The following RREB1 variants were observed in gnomAD, a reference collection of about 807,000 sequenced individuals.
The protein encoded by RREB1 is ras-responsive element-binding protein 1.
Under a neutral mutation model 117.8 loss-of-function variants are expected in RREB1, and 27 were observed. The ratio of observed to expected loss-of-function variants is 0.23; its 90% CI spans 0.17 to 0.32. The LOEUF is 0.32. Ranked by LOEUF, RREB1 falls within the 10% of genes least tolerant of loss-of-function variation. The pLI, the probability that RREB1 is intolerant of heterozygous loss-of-function variation, is 1.00. For synonymous variants in RREB1, 1,298 were observed against 1,026.7 expected (o/e 1.26, Z -5.05); for missense variants, 2,577 against 2,378.2 (o/e 1.08, Z -1.74).
chr6:7,208,670 T>C (rs1310899002), intron 6 of RREB1, among the ~76,000 whole-genome samples: 2 of 152,248 alleles, frequency 1.3e-5, no homozygotes, highest in Non-Finnish European at 2.9e-5. Context: ...AGGGCAGCCC[T>C]GGTTTTCCAG....
At chr6:7,133,057 G>C (rs1762218053) in intron 1 of RREB1, among the ~76,000 whole-genome samples, 2 of 152,220 alleles carry the variant, frequency 1.3e-5, no homozygotes, top group Non-Finnish European at 2.9e-5. Flanking sequence ...AGTGGGTTAT[G>C]ACTGGCAAGA....
At chr6:7,221,471 C>T (rs570656397) in intron 8 of RREB1, among the ~76,000 whole-genome samples, 6 of 152,310 alleles carry the variant, frequency 3.9e-5, no homozygotes, top group Admixed American at 6.5e-5. Flanking sequence ...CGCGCCCGGC[C>T]GCAAGTGTTT....
intron 1 of RREB1, among the ~76,000 whole-genome samples, chr6:7,115,456 C>T (rs931972607): frequency 1.3e-5 from 2 of 151,450 alleles, no homozygotes; most frequent in African/African-American, 4.9e-5. Flanking sequence ...GAAGGGCTGC[C>T]AGTGGTAGGC....
At chr6:7,135,551 T>C (rs940352173) in intron 1 of RREB1, among the ~76,000 whole-genome samples, 5 of 152,336 alleles carry the variant, frequency 3.3e-5, no homozygotes, top group African/African-American at 1.2e-4. Flanking sequence ...GCTGTTCTTC[T>C]GGTTCTGACA....
intron 1 of RREB1, among the ~76,000 whole-genome samples, chr6:7,114,656 C>A (rs1214873678): frequency 6.6e-6 from 1 of 152,140 alleles, no homozygotes; most frequent in African/African-American, 2.4e-5. Context: ...GGTGCGCTGC[C>A]TGTATTGCAT....
intron 1 of RREB1, among the ~76,000 whole-genome samples, chr6:7,142,312 T>A (rs1376883333): frequency 6.6e-6 from 1 of 151,306 alleles, no homozygotes; most frequent in Admixed American, 6.6e-5. Flanking sequence ...TACACCCTCC[T>A]CCGAGAGCCG....
At chr6:7,207,412 G>A (rs1382157374) in intron 6 of RREB1, among the ~76,000 whole-genome samples, 2 of 152,250 alleles carry the variant, frequency 1.3e-5, no homozygotes, top group East Asian at 3.9e-4. Flanking sequence ...TCTCACCCTC[G>A]CCAGTCTGGA....
intron 4 of RREB1, among the ~76,000 whole-genome samples, chr6:7,184,271 A>AT (rs1320931894): frequency 6.0e-5 from 9 of 150,204 alleles, no homozygotes; most frequent in African/African-American, 2.2e-4. Context: ...TTTTATTATT[A>AT]TTATTTTTTT....
intron 1 of RREB1, among the ~76,000 whole-genome samples, chr6:7,137,431 T>C (rs1049774162): frequency 2.0e-5 from 3 of 152,240 alleles, no homozygotes; most frequent in Non-Finnish European, 4.4e-5. Flanking sequence ...CTGTTGGCCT[T>C]TTCTCTTCAG....
At chr6:7,223,561 C>CAAA (rs368033890) in intron 8 of RREB1, among the ~76,000 whole-genome samples, 1 of 95,814 alleles carries the variant, frequency 1.0e-5, no homozygotes, top group African/African-American at 5.0e-5. Flanking sequence ...ACTCTTGTCT[C>CAAA]AAAAAAAAAA....
chr6:7,246,354 G>A, intron 11 of RREB1, 70 bp from the exon 12 acceptor site: 1 of 1,368,386 alleles, frequency 7.3e-7, no homozygotes, highest in Non-Finnish European at 9.6e-7. Context: ...GCCCATTCCC[G>A]GCGACATCCC....
At chr6:7,221,269 C>T (rs1476150223) in intron 8 of RREB1, among the ~76,000 whole-genome samples, 1 of 151,962 alleles carries the variant, frequency 6.6e-6, no homozygotes, top group Admixed American at 6.5e-5. Flanking sequence ...CCCGGGTTCA[C>T]GCCATTCTCC....
intron 1 of RREB1, among the ~76,000 whole-genome samples, chr6:7,176,421 G>A (rs1764503992): frequency 6.6e-6 from 1 of 152,142 alleles, no homozygotes; most frequent in South Asian, 2.1e-4. Context: ...GAATGTGCCT[G>A]GGGGATAGGG....
At chr6:7,187,359 C>A in intron 4 of RREB1, 75 bp from the exon 5 acceptor site, 1 of 899,340 alleles carries the variant, frequency 1.1e-6, no homozygotes, top group Non-Finnish European at 1.8e-6. Flanking sequence ...GTGCTTATTA[C>A]ACTTATTACA....
At chr6:7,199,698 C>T (rs1581527297) in intron 6 of RREB1, among the ~76,000 whole-genome samples, 1 of 151,850 alleles carries the variant, frequency 6.6e-6, no homozygotes, top group East Asian at 1.9e-4. Flanking sequence ...GGGTCTCACT[C>T]TGTCTCCCAG....
chr6:7,231,693 G>C lies in RREB1; in HGVS notation c.3594G>C (p.Gln1198His), dbSNP rs1333341454. ...TDTNKFSPFL[Q>H]TAEDNTQDEV... ...CCAACAAGTTCAGTCCGTTTCTGCA[G>C]ACAGCGGAGGACAACACTCAGGATG... Residue 1198 changes from glutamine to histidine, a missense_variant, in exon 10 of 13, where the codon CAG becomes CAC. By Grantham distance (24) the Gln-to-His change is conservative. Transcript: ENST00000379938. 6.2e-7 allele frequency: 1 copy of C among 1,612,462 alleles called. No homozygotes were observed. The highest frequency in any genetic ancestry group is 2.2e-5 in the East Asian group (1 of 44,836).
chr6:7,240,690 G>T, intron 11 of RREB1, 88 bp downstream of exon 11: 1 of 1,236,876 alleles, frequency 8.1e-7, no homozygotes. Flanking sequence ...CCGAGCTGTG[G>T]AGGGGCTGCT....
chr6:7,172,818 A>C (rs570096300), intron 1 of RREB1, among the ~76,000 whole-genome samples: 1 of 152,256 alleles, frequency 6.6e-6, no homozygotes, highest in African/African-American at 2.4e-5. Flanking sequence ...CCCTCAGAGC[A>C]CATGTGAGGT....
intron 1 of RREB1, among the ~76,000 whole-genome samples, chr6:7,150,679 A>G (rs1425639039): frequency 2.0e-5 from 3 of 152,178 alleles, no homozygotes; most frequent in Admixed American, 6.5e-5. Flanking sequence ...AGTAAGAAAA[A>G]CCAGGACTTC....
Sources: gnomAD v4.1 joint callset for allele counts (sites outside exome capture counted in the v4.1 genomes callset) on GRCh38, gnomAD v4.1.1 for gene constraint, MANE v1.5 for transcripts, NCBI Gene and HGNC (gene_info 2026-07-23, HGNC 2026-07-21) for gene names.